Variants in NFIB observed in about 807,000 individuals in gnomAD.
The protein encoded by NFIB is nuclear factor 1 B-type.
A neutral mutation model predicts 61.5 loss-of-function variants in NFIB; 11 were observed. The ratio of observed to expected loss-of-function variants is 0.18; its 90% CI spans 0.11 to 0.30. The LOEUF (loss-of-function observed/expected upper bound fraction) is 0.30, where lower values mean the gene tolerates loss of function less well. NFIB is among the 10% of genes least tolerant of loss of function. The pLI is 1.00. For missense variants in NFIB, 471 were observed against 608.9 expected (o/e 0.77, Z 2.38); for synonymous variants, 260 against 216.5 (o/e 1.20, Z -1.76).
In NFIB at chr9:14,202,026, T is replaced by G. The variant is rs186404764; in HGVS notation, c.563-22246A>C. On this transcript the variant is annotated intron_variant, in intron 2 of 10. Transcript: ENST00000380953. ...GCTTATGGTTTCATTTGCACAATGT[T>G]GACTTTCATTCACTTGCTAGCAGGT... Among the ~76,000 whole-genome samples, 129 of 152,298 alleles carry G rather than the reference T, an allele frequency of 8.5e-4. No individual in the cohort carries two copies. The Middle Eastern group carries it at 0.017, about 20-fold the overall frequency.
At chr9:14,289,143 T>TATAC (rs199941372) in intron 2 of NFIB, among the ~76,000 whole-genome samples, 9,101 of 144,870 alleles carry the variant, frequency 0.063, 342 homozygotes, top group East Asian at 0.19. Flanking sequence ...TATATATACA[T>TATAC]ATATATATAT....
At chr9:14,431,658 G>T in the NFIB span, among the ~76,000 whole-genome samples, 1 of 149,254 alleles carries the variant, frequency 6.7e-6, no homozygotes, top group Admixed American at 6.7e-5. Context: ...TACTGTGAGA[G>T]CTTAGATAAC....
intron 2 of NFIB, among the ~76,000 whole-genome samples, chr9:14,278,832 CAGT>C (rs1335353753): frequency 3.3e-5 from 5 of 152,098 alleles, no homozygotes; most frequent in African/African-American, 4.8e-5. Flanking sequence ...TATTTTCCAG[CAGT>C]AGAACTTCAC....
At chr9:14,514,600 G>C in the NFIB span, among the ~76,000 whole-genome samples, 17 of 152,258 alleles carry the variant, frequency 1.1e-4, no homozygotes, top group African/African-American at 4.1e-4. Context: ...TGGTATGTTA[G>C]AGAACTGAAG....
intron 1 of NFIB, among the ~76,000 whole-genome samples, chr9:14,341,933 C>T (rs1475588082): frequency 3.5e-4 from 12 of 34,416 alleles, no homozygotes; most frequent in Middle Eastern, 0.01. Flanking sequence ...AGTGACTCCT[C>T]GGGAGGAAAA....
At chr9:14,397,168 T>A (rs1044615203) in intron 1 of NFIB, among the ~76,000 whole-genome samples, 5 of 152,210 alleles carry the variant, frequency 3.3e-5, no homozygotes, top group African/African-American at 1.2e-4. Context: ...ATAGTGGAAA[T>A]ATGGAACAAA....
chr9:14,166,488 G>A (rs2044806455), intron 3 of NFIB, among the ~76,000 whole-genome samples: 1 of 152,086 alleles, frequency 6.6e-6, no homozygotes, highest in Non-Finnish European at 1.5e-5. Context: ...TTTTCATCCA[G>A]GACATTTCAA....
chr9:14,155,988 T>C (rs2043354226), intron 3 of NFIB, 95 bp from the exon 4 acceptor site: 2 of 704,238 alleles, frequency 2.8e-6, no homozygotes, highest in Non-Finnish European at 4.4e-6. Flanking sequence ...AGCCAATGGT[T>C]TGAACAAAAA....
At chr9:14,268,845 T>C (rs1233193861) in intron 2 of NFIB, among the ~76,000 whole-genome samples, 1 of 152,208 alleles carries the variant, frequency 6.6e-6, no homozygotes. Context: ...AAATGTTCAC[T>C]GAATTAGACA....
intron 2 of NFIB, among the ~76,000 whole-genome samples, chr9:14,273,774 TC>T (rs1290405760): frequency 6.6e-6 from 1 of 152,070 alleles, no homozygotes; most frequent in Non-Finnish European, 1.5e-5. Flanking sequence ...CACCCCTACT[TC>T]CTTCCCAATG....
chr9:14,364,239 T>C (rs1334222404), intron 1 of NFIB, among the ~76,000 whole-genome samples: 2 of 152,216 alleles, frequency 1.3e-5, no homozygotes, highest in Non-Finnish European at 2.9e-5. Context: ...AATTTGGGAA[T>C]GTCTGAAGTG....
At chr9:14,513,157 G>T in the NFIB span, among the ~76,000 whole-genome samples, 1 of 151,792 alleles carries the variant, frequency 6.6e-6, no homozygotes. Context: ...TTATGTATTC[G>T]TTTGTTTTCT....
chr9:14,339,716 C>T (rs1254824391), intron 1 of NFIB, among the ~76,000 whole-genome samples: 1 of 152,182 alleles, frequency 6.6e-6, no homozygotes, highest in East Asian at 1.9e-4. Flanking sequence ...TTCTGTTAGT[C>T]ATTACCCACT....
chr9:14,308,925 A>G (rs1563997586), intron 1 of NFIB, among the ~76,000 whole-genome samples: 1 of 152,142 alleles, frequency 6.6e-6, no homozygotes, highest in South Asian at 2.1e-4. Flanking sequence ...CCTGTCTTAT[A>G]AGCTTAGGCC....
At chr9:14,460,092 A>C in the NFIB span, among the ~76,000 whole-genome samples, 1 of 152,146 alleles carries the variant, frequency 6.6e-6, no homozygotes, top group Non-Finnish European at 1.5e-5. Context: ...AGCACTATTC[A>C]CAATAGCAAA....
the NFIB span, among the ~76,000 whole-genome samples, chr9:14,472,796 G>A: frequency 1.3e-5 from 2 of 151,882 alleles, no homozygotes; most frequent in Non-Finnish European, 2.9e-5. Flanking sequence ...AGCCGAGATC[G>A]AGCCAACGCA....
At chr9:14,101,164 G>A (rs749013904) in intron 10 of NFIB, among the ~76,000 whole-genome samples, 2 of 152,030 alleles carry the variant, frequency 1.3e-5, no homozygotes, top group Non-Finnish European at 2.9e-5. Context: ...AGATGGTTAC[G>A]TTGAGTTTAT....
At position 14,313,365 on chromosome 9, in the gene NFIB, T is replaced by G; in HGVS notation, c.30+117A>C. ...ACGCCCGCTGCAACTCCGGGCCACT[T>G]CTCCAAGGGACGGGGATGTGCGGAG... On this transcript the variant is annotated intron_variant, in intron 1 of 10. Coordinates refer to ENST00000380953, the MANE Select transcript of NFIB (RefSeq NM_001190737.2). This position sits in a 1 kb window ranked among gnomAD's most constrained non-coding sequence, Gnocchi z 4.5. 6.9e-7 allele frequency: 1 copy of G among 1,457,872 alleles called. No individual in the cohort carries two copies. 90.3% of individuals were successfully genotyped at this position (1,457,872 alleles called of 1,614,324 possible). A position where few individuals can be genotyped will look rare whatever the true frequency, so the allele number is the denominator to read the frequency against.
intron 3 of NFIB, among the ~76,000 whole-genome samples, chr9:14,170,912 A>G (rs2045495193): frequency 6.6e-6 from 1 of 152,214 alleles, no homozygotes; most frequent in Non-Finnish European, 1.5e-5. Flanking sequence ...GTATTAATTA[A>G]GTGCCTACAT....
Sources: gnomAD v4.1 joint callset for allele counts (sites outside exome capture counted in the v4.1 genomes callset) on GRCh38, gnomAD v4.1.1 for gene constraint, Gnocchi (gnomAD v3.1) non-coding constraint, MANE v1.5 for transcripts, NCBI Gene and HGNC (gene_info 2026-07-23, HGNC 2026-07-21) for gene names.